The following UNC5C variants were observed in gnomAD, a reference collection of about 807,000 sequenced individuals.
UNC5C encodes the protein unc-5 netrin receptor C, also known as netrin receptor UNC5C.
A neutral mutation model predicts 99.8 loss-of-function variants in UNC5C; 47 were observed. The ratio of observed to expected loss-of-function variants is 0.47; its 90% CI spans 0.37 to 0.60. The LOEUF is 0.60. Among genes scored for constraint, UNC5C ranks in the 20% least tolerant of loss-of-function variants. UNC5C has a pLI of 0.00. For synonymous variants in UNC5C, 487 were observed against 452.2 expected (o/e 1.08, Z -0.98); for missense variants, 1,062 against 1,165.9 (o/e 0.91, Z 1.30).
chr4:95,402,130 C>G (rs558904202), intron 1 of UNC5C, among the ~76,000 whole-genome samples: 14 of 152,252 alleles, frequency 9.2e-5, no homozygotes, highest in African/African-American at 3.1e-4. Flanking sequence ...GCTACTAATA[C>G]AATATCTTCA....
At chr4:95,210,399 C>T (rs929726229) in intron 10 of UNC5C, among the ~76,000 whole-genome samples, 35 of 152,182 alleles carry the variant, frequency 2.3e-4, no homozygotes, top group South Asian at 6.2e-4. Flanking sequence ...TAAGGAGTTA[C>T]GCAGGATAAG....
At chr4:95,306,126 C>T (rs767960577) in intron 2 of UNC5C, among the ~76,000 whole-genome samples, 25 of 152,292 alleles carry the variant, frequency 1.6e-4, no homozygotes, top group Admixed American at 1.3e-3. Context: ...AGATATTATG[C>T]TAAGTTGCAG....
At chr4:95,478,102 T>C (rs184848271) in intron 1 of UNC5C, among the ~76,000 whole-genome samples, 1 of 151,986 alleles carries the variant, frequency 6.6e-6, no homozygotes, top group African/African-American at 2.4e-5. Flanking sequence ...CAAAACCCAA[T>C]ACCAAATTTG....
At chr4:95,199,229 G>A (rs535033897) in intron 12 of UNC5C, among the ~76,000 whole-genome samples, 11 of 152,084 alleles carry the variant, frequency 7.2e-5, no homozygotes, top group Admixed American at 3.3e-4. Context: ...TTAGCAGGGC[G>A]CCAAGAAGGC....
At chr4:95,318,372 G>A (rs562779481) in intron 2 of UNC5C, among the ~76,000 whole-genome samples, 1 of 152,194 alleles carries the variant, frequency 6.6e-6, no homozygotes, top group South Asian at 2.1e-4. Context: ...CCCCGAGGAG[G>A]GCAGCTCTGC....
chr4:95,420,450 C>T (rs1295084983), intron 1 of UNC5C, among the ~76,000 whole-genome samples: 1 of 152,092 alleles, frequency 6.6e-6, no homozygotes, highest in Non-Finnish European at 1.5e-5. Context: ...CCCTTACACT[C>T]TTTTATTTTT....
chr4:95,259,388 A>C (rs563560632), intron 4 of UNC5C, among the ~76,000 whole-genome samples: 118 of 152,362 alleles, frequency 7.7e-4, no homozygotes, highest in African/African-American at 2.7e-3. Context: ...ACCCTAAAAA[A>C]TAAAAGAGAA....
chr4:95,439,307 A>C (rs566765675), intron 1 of UNC5C, among the ~76,000 whole-genome samples: 1 of 152,304 alleles, frequency 6.6e-6, no homozygotes, highest in Admixed American at 6.5e-5. Context: ...AGAAGGGTTC[A>C]AAGGCTGTTT....
intron 1 of UNC5C, among the ~76,000 whole-genome samples, chr4:95,345,212 A>G (rs1477384041): frequency 6.6e-6 from 1 of 152,004 alleles, no homozygotes; most frequent in South Asian, 2.1e-4. Context: ...ATAACTGTAC[A>G]AAATAGATTT....
At chr4:95,514,157 T>TAA (rs1722151497) in intron 1 of UNC5C, among the ~76,000 whole-genome samples, 1 of 152,204 alleles carries the variant, frequency 6.6e-6, no homozygotes, top group African/African-American at 2.4e-5. Context: ...TCATACAAGA[T>TAA]AATTGTTCAA....
At chr4:95,533,483 T>C (rs1305859216) in intron 1 of UNC5C, among the ~76,000 whole-genome samples, 1 of 151,998 alleles carries the variant, frequency 6.6e-6, no homozygotes, top group Non-Finnish European at 1.5e-5. Flanking sequence ...TCATTTAATG[T>C]GATATCATTA....
At chr4:95,353,767 A>G (rs1451317639) in intron 1 of UNC5C, among the ~76,000 whole-genome samples, 1 of 152,138 alleles carries the variant, frequency 6.6e-6, no homozygotes, top group Non-Finnish European at 1.5e-5. Context: ...GTGACACTAA[A>G]AATAGTTATA....
intron 7 of UNC5C, among the ~76,000 whole-genome samples, chr4:95,221,375 A>G (rs1318915876): frequency 6.6e-6 from 1 of 152,176 alleles, no homozygotes; most frequent in Non-Finnish European, 1.5e-5. Context: ...TGTAGGTCCC[A>G]TGACCTCCTA....
At chr4:95,448,227 T>TGTGAGAGAGAGAGAGAGA (rs1339694230) in intron 1 of UNC5C, among the ~76,000 whole-genome samples, 38 of 100,140 alleles carry the variant, frequency 3.8e-4, no homozygotes, top group African/African-American at 1.4e-3. Context: ...TGTGTGTGTG[T>TGTGAGAGAGAGAGAGAGA]GAGAGAGAGA....
intron 1 of UNC5C, among the ~76,000 whole-genome samples, chr4:95,388,037 T>G (rs1745258359): frequency 6.6e-6 from 1 of 152,138 alleles, no homozygotes; most frequent in Admixed American, 6.5e-5. Flanking sequence ...CTAGCAGAGA[T>G]GAACTATTTT....
chr4:95,395,065 C>T (rs1205137892), intron 1 of UNC5C, among the ~76,000 whole-genome samples: 1 of 152,120 alleles, frequency 6.6e-6, no homozygotes, highest in Non-Finnish European at 1.5e-5. Context: ...CTCCTGTCTG[C>T]CCAGGAGGGA....
intron 10 of UNC5C, among the ~76,000 whole-genome samples, chr4:95,208,839 G>A (rs1006545582): frequency 3.3e-5 from 5 of 152,154 alleles, no homozygotes. Flanking sequence ...TTTTTCTCTA[G>A]TTTTTGTCTA....
chr4:95,218,749 A>G (rs1738350575), intron 9 of UNC5C, among the ~76,000 whole-genome samples: 2 of 152,208 alleles, frequency 1.3e-5, no homozygotes, highest in Non-Finnish European at 2.9e-5. Context: ...TGAGTATAGA[A>G]TTTCTAGAGG....
At chr4:95,508,544 G>T (rs1014409289) in intron 1 of UNC5C, among the ~76,000 whole-genome samples, 1 of 151,824 alleles carries the variant, frequency 6.6e-6, no homozygotes, top group Non-Finnish European at 1.5e-5. Flanking sequence ...TAAAAAAAAT[G>T]CCCTTTGAAA....
Sources: allele counts gnomAD v4.1 joint callset (sites outside exome capture counted in the v4.1 genomes callset), GRCh38; gene constraint gnomAD v4.1.1; transcripts MANE v1.5; gene names NCBI Gene and HGNC (gene_info 2026-07-23, HGNC 2026-07-21).